Variants in SYNJ2 observed in about 807,000 individuals in gnomAD.
The protein encoded by SYNJ2 is synaptojanin 2.
SYNJ2 carries 116 observed loss-of-function variants against 141.3 expected under a neutral mutation model. That is an observed-to-expected ratio of 0.82 (90% CI 0.71 to 0.96). The LOEUF (loss-of-function observed/expected upper bound fraction) is 0.96. SYNJ2 is among the 40% of genes least tolerant of loss of function. The pLI, the probability that SYNJ2 is intolerant of heterozygous loss-of-function variation, is 0.00. For synonymous variants in SYNJ2, 745 were observed against 777.7 expected, an observed-to-expected ratio of 0.96 and a Z score of 0.70; for missense variants, 1,873 against 1,934.8, an observed-to-expected ratio of 0.97 and a Z score of 0.60.
chr6:158,034,253 T>A (rs1779523185), intron 4 of SYNJ2, among the ~76,000 whole-genome samples: 1 of 152,178 alleles, frequency 6.6e-6, no homozygotes, highest in Admixed American at 6.5e-5. Flanking sequence ...AGAGATGCTG[T>A]CTTACAACTT....
intron 7 of SYNJ2, among the ~76,000 whole-genome samples, chr6:158,061,472 C>T (rs969694534): frequency 2.0e-5 from 3 of 152,210 alleles, no homozygotes; most frequent in South Asian, 2.1e-4. Flanking sequence ...GAAGTAGCAT[C>T]GGGATGTGGG....
At chr6:158,085,755 G>C (rs577592568) in intron 22 of SYNJ2, among the ~76,000 whole-genome samples, 2 of 152,264 alleles carry the variant, frequency 1.3e-5, no homozygotes, top group East Asian at 3.9e-4. Context: ...TGGAAGCCTG[G>C]CGTTTCACCA....
rs924702269 is a variant in SYNJ2 at position 158,013,046 on chromosome 6, A to C, written c.128-4158A>C. Among the ~76,000 whole-genome samples the C allele has an allele frequency of 5.3e-5, 8 of 152,336 alleles. No homozygotes were observed. The South Asian group carries it at 1.7e-3, about 32-fold the overall frequency. ...GCACCGACCTCTTGAGATTCTGTTGAAAATGGGATTTTAGCCCCCATAAAA... is the reference window on the plus strand; with the variant it reads ...GCACCGACCTCTTGAGATTCTGTTGCAAATGGGATTTTAGCCCCCATAAAA... On this transcript the variant is annotated intron_variant, in intron 1 of 26. Transcript: ENST00000355585.
At chr6:158,064,479 G>A (rs991949566) in intron 9 of SYNJ2, 122 bp from the exon 10 acceptor site, 30 of 1,228,004 alleles carry the variant, frequency 2.4e-5, no homozygotes, top group Non-Finnish European at 3.5e-5. Context: ...TCCTCTGGAG[G>A]GGCACAGAGT....
chr6:158,097,305 A>T lies in SYNJ2; in HGVS notation c.*941A>T, dbSNP rs1003488612. 2.0e-5 allele frequency: 3 copies of T among 152,162 alleles called. No individual in the cohort carries two copies. Among genetic ancestry groups the T allele is most frequent in the Non-Finnish European group, 4.4e-5 (3 of 68,028 alleles). 9.4% of individuals were successfully genotyped at this position (152,162 alleles called of 1,614,324 possible). ...CTGGAGCTTCGGGATGGAAAGTGCTATGTGTCCCTGCATATAAGAATCACC... is the reference window on the plus strand; with the variant it reads ...CTGGAGCTTCGGGATGGAAAGTGCTTTGTGTCCCTGCATATAAGAATCACC... On this transcript the variant is annotated 3_prime_UTR_variant, in exon 27 of 27. Transcript: ENST00000355585.
intron 1 of SYNJ2, among the ~76,000 whole-genome samples, chr6:158,007,286 C>CT (rs1778108888): frequency 6.6e-6 from 1 of 152,130 alleles, no homozygotes; most frequent in Non-Finnish European, 1.5e-5. Context: ...GTAAATAACT[C>CT]TGTCTGCTGG....
At chr6:158,008,163 G>A (rs1205801039) in intron 1 of SYNJ2, among the ~76,000 whole-genome samples, 8 of 152,056 alleles carry the variant, frequency 5.3e-5, no homozygotes, top group African/African-American at 1.9e-4. Context: ...GAGCAACATG[G>A]GGTTTCACCA....
At position 157,982,283 on chromosome 6, in the gene SYNJ2, C is replaced by G. The variant is rs1191100597; in HGVS notation, c.127+195C>G. Among the ~76,000 whole-genome samples, 5 of 152,168 alleles carry G rather than the reference C, an allele frequency of 3.3e-5. No homozygotes were observed. On this transcript the variant is annotated intron_variant, in intron 1 of 26. Transcript: ENST00000355585. This position sits in a 1 kb window ranked among gnomAD's most constrained non-coding sequence, Gnocchi z 4.0. ...ACTCGAGAGAGCACTCTGGCTGGGCCGGTGGCGCACGGAGGCCGGCCGCCC... is the reference window on the plus strand; with the variant it reads ...ACTCGAGAGAGCACTCTGGCTGGGCGGGTGGCGCACGGAGGCCGGCCGCCC...
At chr6:158,057,041 C>G (rs1780908809) in intron 6 of SYNJ2, among the ~76,000 whole-genome samples, 1 of 152,010 alleles carries the variant, frequency 6.6e-6, no homozygotes, top group African/African-American at 2.4e-5. Context: ...CCTCACAGGA[C>G]AGTGAACCCC....
intron 5 of SYNJ2, among the ~76,000 whole-genome samples, chr6:158,050,570 A>C (rs1780514461): frequency 6.6e-6 from 1 of 152,204 alleles, no homozygotes; most frequent in African/African-American, 2.4e-5. Flanking sequence ...TGCTTGTCTA[A>C]GTCCAGGATA....
chr6:158,077,343 G>A (rs1479410276), intron 17 of SYNJ2, among the ~76,000 whole-genome samples: 3 of 152,062 alleles, frequency 2.0e-5, no homozygotes, highest in African/African-American at 7.2e-5. Flanking sequence ...GTCTGCTCCT[G>A]GCTGCCCCTG....
Position 158,088,648 on chromosome 6 carries a change from TG to T in SYNJ2, c.3344-10del. The T allele has an allele frequency of 3.1e-6, 5 of 1,609,270 alleles. No individual in the cohort carries two copies. The highest frequency in any genetic ancestry group is 4.3e-6 in the Non-Finnish European group (5 of 1,175,752). The stretch of plus-strand genomic sequence containing the variant: ...ACTGAGATTGAGACTCTGCCCTCGT[TG>T]GTTTTTACAGCCGGTTTAATGGTGA... On this transcript the variant is annotated splice_polypyrimidine_tract_variant and intron_variant, in intron 23 of 26. Transcript: ENST00000355585.
Position 158,092,910 on chromosome 6 carries a change from T to G in SYNJ2, c.3566-16T>G. On this transcript the variant is annotated splice_polypyrimidine_tract_variant and intron_variant, in intron 25 of 26. Coordinates refer to ENST00000355585, the MANE Select transcript of SYNJ2 (RefSeq NM_003898.4). ...CCTTGTCCTTTACACTTCAGCCATG[T>G]GGTTTTATGTTTCAGGTGCCTCCGA... 1.3e-6 allele frequency: 2 copies of G among 1,573,564 alleles called. No homozygotes were observed. Among genetic ancestry groups the G allele is most frequent in the Non-Finnish European group, 1.7e-6 (2 of 1,164,874 alleles).
In SYNJ2 at chr6:157,981,904, G is replaced by A. The variant is rs1282057589; in HGVS notation, c.-58G>A. 4.9e-6 allele frequency: 6 copies of A among 1,214,142 alleles called. No individual in the cohort carries two copies. The highest frequency in any genetic ancestry group is 6.2e-6 in the Non-Finnish European group (6 of 974,296). 75.2% of individuals were successfully genotyped at this position (1,214,142 alleles called of 1,614,324 possible). ...GCGGGCGCGCGGGGAGCTGTCGCGGGCAGCGCGCCCTCGGGAGGACGTGGC... is the reference window on the plus strand; with the variant it reads ...GCGGGCGCGCGGGGAGCTGTCGCGGACAGCGCGCCCTCGGGAGGACGTGGC... On this transcript the variant is annotated 5_prime_UTR_variant, in exon 1 of 27. Coordinates refer to ENST00000355585, the MANE Select transcript of SYNJ2 (RefSeq NM_003898.4). The surrounding 1 kb of genome is among the most constrained non-coding windows in gnomAD (Gnocchi z 6.4).
chr6:158,075,361 C>A (rs1746169820), intron 16 of SYNJ2, among the ~76,000 whole-genome samples: 1 of 151,964 alleles, frequency 6.6e-6, no homozygotes, highest in South Asian at 2.1e-4. Context: ...TGTGTGAGGG[C>A]CAGGTGCGGT....
In SYNJ2 at chr6:158,096,975, A is replaced by G. The variant is rs1161299255; in HGVS notation, c.*611A>G. 5 of 152,802 alleles carry G rather than the reference A, an allele frequency of 3.3e-5. No homozygotes were observed. Among genetic ancestry groups the G allele is most frequent in the Non-Finnish European group, 7.3e-5 (5 of 68,188 alleles). 9.5% of individuals were successfully genotyped at this position (152,802 alleles called of 1,614,324 possible). On this transcript the variant is annotated 3_prime_UTR_variant, in exon 27 of 27. Coordinates refer to ENST00000355585, the MANE Select transcript of SYNJ2 (RefSeq NM_003898.4). ...TGTGCGTTAACCTTGATGATGCGTG[A>G]ATCCCGAGGGAGCCGGTGGCATACA...
Position 158,084,167 on chromosome 6 carries a change from G to A in SYNJ2, c.3201G>A (p.Thr1067=), listed in dbSNP as rs149771444. 2.4e-4 allele frequency: 385 copies of A among 1,613,552 alleles called. No individual in the cohort carries two copies. Among genetic ancestry groups the A allele is most frequent in the Non-Finnish European group, 3.0e-4 (351 of 1,179,672 alleles). Residue 1067 remains threonine (T), a synonymous_variant, in exon 22 of 27, where the codon ACG becomes ACA. Coordinates refer to ENST00000355585, the MANE Select transcript of SYNJ2 (RefSeq NM_003898.4). This position sits in a 1 kb window ranked among gnomAD's most constrained non-coding sequence, Gnocchi z 5.0. ...TCACCAAAAAGAAGCAGCATCCAAC[G>A]TACAAAGGTAGCCTGACCCTTCTTT... ...PALTKKKQHP[T]YKDDADLVEL... is the part of the protein sequence containing the mutation.
rs766904560 is a variant in SYNJ2 at position 158,059,353 on chromosome 6, G to A, written c.954G>A (p.Lys318=). ...GGEEVLNRAF[K]KLLWASCHAG... ...AGGAGGTGCTCAACAGAGCCTTCAA[G>A]GTAAGGCCAGGCTGTCCTCTCCACA... Residue 318 remains lysine, a splice_region_variant and synonymous_variant, in exon 7 of 27, where the codon AAG becomes AAA. Coordinates refer to ENST00000355585, the MANE Select transcript of SYNJ2 (RefSeq NM_003898.4). 205 of 1,549,784 alleles carry A rather than the reference G, an allele frequency of 1.3e-4. No homozygotes were observed. The highest frequency in any genetic ancestry group is 1.7e-4 in the Non-Finnish European group (195 of 1,146,636).
intron 7 of SYNJ2, among the ~76,000 whole-genome samples, chr6:158,059,899 CA>C (rs1781106453): frequency 1.8e-4 from 28 of 152,330 alleles, no homozygotes; most frequent in Admixed American, 1.7e-3. Context: ...AGAATTTGCT[CA>C]AAGTCAAAAC....
Sources: gnomAD v4.1 joint callset for allele counts (sites outside exome capture counted in the v4.1 genomes callset) on GRCh38, gnomAD v4.1.1 for gene constraint, Gnocchi (gnomAD v3.1) non-coding constraint, MANE v1.5 for transcripts, NCBI Gene and HGNC (gene_info 2026-07-23, HGNC 2026-07-21) for gene names.